The following WDR70 variants were observed in gnomAD, a reference collection of about 807,000 sequenced individuals.
The protein encoded by WDR70 is WD repeat-containing protein 70.
WDR70 carries 53 observed loss-of-function variants against 88.6 expected under a neutral mutation model. The observed-to-expected ratio is 0.60, with a 90% confidence interval of 0.48 to 0.75. WDR70 has a LOEUF of 0.75. WDR70 is among the 30% of genes least tolerant of loss of function. The probability of loss-of-function intolerance (pLI) is 0.00; values close to 1 mark genes in which losing one functional copy is unlikely to be tolerated. For missense variants in WDR70, 610 were observed against 823.2 expected, an observed-to-expected ratio of 0.74 and a Z score of 3.17; for synonymous variants, 280 against 270.0, an observed-to-expected ratio of 1.04 and a Z score of -0.36.
intron 9 of WDR70, among the ~76,000 whole-genome samples, chr5:37,533,977 A>T (rs979013717): frequency 6.6e-6 from 1 of 152,074 alleles, no homozygotes; most frequent in Non-Finnish European, 1.5e-5. Context: ...TTTTTCGGTG[A>T]CTCAGGGAGC....
At chr5:37,608,487 C>T (rs772145349) in intron 10 of WDR70, among the ~76,000 whole-genome samples, 1 of 152,102 alleles carries the variant, frequency 6.6e-6, no homozygotes, top group Non-Finnish European at 1.5e-5. Flanking sequence ...GTACTCTCTA[C>T]CCCTCTTATT....
intron 10 of WDR70, among the ~76,000 whole-genome samples, chr5:37,640,720 G>T (rs1415309765): frequency 6.6e-6 from 1 of 152,110 alleles, no homozygotes; most frequent in Non-Finnish European, 1.5e-5. Flanking sequence ...AAAATCACCA[G>T]TCATTTAAAG....
chr5:37,686,618 G>T (rs1259932899), intron 10 of WDR70, among the ~76,000 whole-genome samples: 1 of 151,996 alleles, frequency 6.6e-6, no homozygotes, highest in Non-Finnish European at 1.5e-5. Context: ...TGTGCCTGTA[G>T]TCCCAGTACT....
chr5:37,752,312 C>T (rs533583636), intron 17 of WDR70, among the ~76,000 whole-genome samples, 174 bp from the exon 18 acceptor site: 8 of 152,242 alleles, frequency 5.3e-5, no homozygotes, highest in East Asian at 1.9e-4. Flanking sequence ...TTTTCCTGAA[C>T]ATAATTAAAT....
At chr5:37,493,895 T>C (rs1740141450) in intron 8 of WDR70, among the ~76,000 whole-genome samples, 1 of 151,588 alleles carries the variant, frequency 6.6e-6, no homozygotes, top group Non-Finnish European at 1.5e-5. Context: ...CTCTGCTCAC[T>C]GCAACCTCTG....
At chr5:37,674,585 G>T (rs1746139388) in intron 10 of WDR70, among the ~76,000 whole-genome samples, 1 of 152,126 alleles carries the variant, frequency 6.6e-6, no homozygotes, top group Non-Finnish European at 1.5e-5. Context: ...TGGCTGCATA[G>T]TATTCCATGG....
chr5:37,401,976 A>C (rs979324009), intron 5 of WDR70, among the ~76,000 whole-genome samples: 6 of 152,160 alleles, frequency 3.9e-5, no homozygotes, highest in Non-Finnish European at 5.9e-5. Context: ...ATATGGAGTA[A>C]ACAGTTGTTA....
At chr5:37,637,336 A>T (rs1023636457) in intron 10 of WDR70, among the ~76,000 whole-genome samples, 1 of 112,656 alleles carries the variant, frequency 8.9e-6, no homozygotes, top group African/African-American at 4.1e-5. Flanking sequence ...AAAAATAAAT[A>T]AATTAAATAA....
At chr5:37,463,093 G>A (rs1335259799) in intron 7 of WDR70, among the ~76,000 whole-genome samples, 1 of 152,114 alleles carries the variant, frequency 6.6e-6, no homozygotes, top group East Asian at 1.9e-4. Flanking sequence ...CCAACATGGC[G>A]AAACCCCGTC....
chr5:37,526,065 C>T (rs1741259293), intron 9 of WDR70, among the ~76,000 whole-genome samples: 2 of 152,184 alleles, frequency 1.3e-5, no homozygotes, highest in South Asian at 4.1e-4. Flanking sequence ...CAAGGAGGAG[C>T]TGGTACCATT....
chr5:37,698,616 A>G (rs965183231), intron 11 of WDR70, among the ~76,000 whole-genome samples: 2 of 152,204 alleles, frequency 1.3e-5, no homozygotes, highest in Non-Finnish European at 2.9e-5. Context: ...AGCATCTACT[A>G]TGAGCTAACA....
chr5:37,524,992 A>G (rs1741214842), intron 9 of WDR70, among the ~76,000 whole-genome samples: 1 of 152,182 alleles, frequency 6.6e-6, no homozygotes, highest in Admixed American at 6.5e-5. Flanking sequence ...GTCCTTAGAG[A>G]CCTACAAAGA....
intron 5 of WDR70, among the ~76,000 whole-genome samples, chr5:37,414,638 G>T (rs1749638814): frequency 6.8e-6 from 1 of 147,818 alleles, no homozygotes; most frequent in Non-Finnish European, 1.5e-5. Context: ...TATCCTCAGT[G>T]GCTTGACAGA....
At chr5:37,740,680 G>C (rs921218668) in intron 17 of WDR70, among the ~76,000 whole-genome samples, 1 of 152,168 alleles carries the variant, frequency 6.6e-6, no homozygotes, top group African/African-American at 2.4e-5. Flanking sequence ...GGGCCTGAGA[G>C]TGTAACCCCA....
At chr5:37,565,344 T>C (rs1476806812) in intron 9 of WDR70, among the ~76,000 whole-genome samples, 2 of 152,318 alleles carry the variant, frequency 1.3e-5, no homozygotes, top group African/African-American at 4.8e-5. Context: ...TTTGACAATC[T>C]TGACAAACTC....
At chr5:37,564,731 T>C (rs1422623771) in intron 9 of WDR70, among the ~76,000 whole-genome samples, 1 of 152,170 alleles carries the variant, frequency 6.6e-6, no homozygotes, top group Non-Finnish European at 1.5e-5. Context: ...ATTGTGAGAC[T>C]CCCCTTGGTA....
At chr5:37,407,161 A>G (rs1749378335) in intron 5 of WDR70, among the ~76,000 whole-genome samples, 1 of 152,148 alleles carries the variant, frequency 6.6e-6, no homozygotes, top group African/African-American at 2.4e-5. Context: ...ACTGTCTCAA[A>G]AGTAATAAAG....
At chr5:37,602,609 G>A (rs1743919108) in intron 9 of WDR70, among the ~76,000 whole-genome samples, 1 of 150,890 alleles carries the variant, frequency 6.6e-6, no homozygotes, top group African/African-American at 2.4e-5. Flanking sequence ...TTGGGTGAGA[G>A]AGTGAGACTC....
chr5:37,619,346 A>G (rs886776961), intron 10 of WDR70, among the ~76,000 whole-genome samples: 1 of 152,034 alleles, frequency 6.6e-6, no homozygotes, highest in Non-Finnish European at 1.5e-5. Flanking sequence ...AGATAGGGCT[A>G]TGTCATCTAA....
Sources: gnomAD v4.1 joint callset for allele counts (sites outside exome capture counted in the v4.1 genomes callset) on GRCh38, gnomAD v4.1.1 for gene constraint, MANE v1.5 for transcripts, NCBI Gene and HGNC (gene_info 2026-07-23, HGNC 2026-07-21) for gene names.